Variants in PHF21A observed in about 807,000 individuals in gnomAD.
PHF21A encodes BHC80a.
PHF21A carries 11 observed loss-of-function variants against 82.5 expected under a neutral mutation model. The observed-to-expected ratio is 0.13, with a 90% CI of 0.08 to 0.22. The LOEUF (loss-of-function observed/expected upper bound fraction) is 0.22, where lower values mean the gene tolerates loss of function less well. Ranked by LOEUF, PHF21A falls within the 10% of genes least tolerant of loss-of-function variation. The pLI is 1.00. For missense variants in PHF21A, 579 were observed against 837.8 expected, an observed-to-expected ratio of 0.69 and a Z score of 3.81; for synonymous variants, 297 against 302.8, an observed-to-expected ratio of 0.98 and a Z score of 0.20.
At chr11:45,965,284 T>A in intron 10 of PHF21A, 31 bp downstream of exon 10, 1 of 1,603,134 alleles carries the variant, frequency 6.2e-7, no homozygotes, top group Non-Finnish European at 8.5e-7. Context: ...ACAAGGCTAC[T>A]GCCCAGAGCA....
At chr11:45,951,785 A>T (rs2092146253) in intron 11 of PHF21A, among the ~76,000 whole-genome samples, 1 of 150,870 alleles carries the variant, frequency 6.6e-6, no homozygotes, top group African/African-American at 2.4e-5. Context: ...AGTGAAAAAA[A>T]ATGTCCTCTC....
intron 6 of PHF21A, among the ~76,000 whole-genome samples, chr11:46,033,340 C>A (rs968077333): frequency 4.6e-5 from 7 of 152,176 alleles, no homozygotes; most frequent in Admixed American, 3.9e-4. Context: ...TCATGGCTCA[C>A]TGCAGCCTCT....
In PHF21A at chr11:45,955,574, A is replaced by G. The variant is rs542622024; in HGVS notation, c.997-1949T>C. ...AAAGCAATTAGCAGCAGTGCTTTTA[A>G]GGAAGGGCAAATCAATTCCTTTCCA... On this transcript the variant is annotated intron_variant, in intron 10 of 18. Coordinates refer to ENST00000676320, the MANE Select transcript of PHF21A (RefSeq NM_001352027.3). Among the ~76,000 whole-genome samples the G allele has an allele frequency of 1.3e-4, 20 of 152,314 alleles. No individual in the cohort carries two copies. The South Asian group carries it at 3.9e-3, about 30-fold the overall frequency.
chr11:46,093,685 C>T (rs1199502892), intron 1 of PHF21A, among the ~76,000 whole-genome samples: 1 of 152,088 alleles, frequency 6.6e-6, no homozygotes, highest in Admixed American at 6.5e-5. Flanking sequence ...TCAAACAGTA[C>T]CAGGCACATA....
At position 45,938,217 on chromosome 11, in the gene PHF21A, T is replaced by C. The variant is rs1426800688; in HGVS notation, c.1548A>G (p.Leu516=). The C allele has an allele frequency of 1.9e-6, 3 of 1,609,488 alleles. No homozygotes were observed. Among genetic ancestry groups the C allele is most frequent in the Non-Finnish European group, 2.5e-6 (3 of 1,178,142 alleles). The part of the protein sequence containing the change: ...TCSRVYHLDC[L]DPPLKTIPKG... ...TGGGAATTGTTTTCAGAGGGGGGTC[T>C]AAGCAGTCCAAATGATATACACGGG... is the stretch of plus-strand genomic sequence containing the variant. The change falls in exon 16 of 19, where the codon TTA becomes TTG. Residue 516 remains leucine (L), a synonymous_variant. Transcript: ENST00000676320.
chr11:45,940,349 C>A (rs2090109904), intron 15 of PHF21A, among the ~76,000 whole-genome samples: 1 of 152,084 alleles, frequency 6.6e-6, no homozygotes. Flanking sequence ...GCGCCCACCA[C>A]CACGCCTGAC....
At chr11:46,115,051 T>C (rs566944636) in intron 1 of PHF21A, among the ~76,000 whole-genome samples, 1 of 152,348 alleles carries the variant, frequency 6.6e-6, no homozygotes, top group African/African-American at 2.4e-5. Context: ...TTTCTGTAAC[T>C]GATTCCAAAG....
chr11:45,980,282 C>T (rs1225071426), intron 6 of PHF21A, among the ~76,000 whole-genome samples: 1 of 152,200 alleles, frequency 6.6e-6, no homozygotes, highest in Non-Finnish European at 1.5e-5. Flanking sequence ...TACAACGTAG[C>T]AGTAAAAAGC....
intron 6 of PHF21A, among the ~76,000 whole-genome samples, chr11:46,038,140 A>T (rs1310110520): frequency 6.0e-5 from 9 of 148,866 alleles, no homozygotes; most frequent in African/African-American, 2.0e-4. Flanking sequence ...TTTTTTTTTT[A>T]AATGGAGTTT....
intron 6 of PHF21A, among the ~76,000 whole-genome samples, chr11:46,006,795 T>C (rs2095306272): frequency 6.6e-6 from 1 of 152,226 alleles, no homozygotes; most frequent in African/African-American, 2.4e-5. Flanking sequence ...ACAAAAATAT[T>C]TTAAGACCAA....
At chr11:46,060,663 G>C (rs1384357949) in intron 6 of PHF21A, among the ~76,000 whole-genome samples, 2 of 152,122 alleles carry the variant, frequency 1.3e-5, no homozygotes, top group Admixed American at 6.6e-5. Flanking sequence ...ACTTTGTAAT[G>C]GGACTGTTTT....
chr11:46,018,247 C>G (rs2095557383), intron 6 of PHF21A, among the ~76,000 whole-genome samples: 1 of 130,360 alleles, frequency 7.7e-6, no homozygotes, highest in Non-Finnish European at 1.6e-5. Flanking sequence ...GAGACTCCGT[C>G]TCAAAAAAAA....
chr11:45,950,897 C>T (rs563676498), intron 11 of PHF21A, among the ~76,000 whole-genome samples: 1 of 152,344 alleles, frequency 6.6e-6, no homozygotes, highest in East Asian at 1.9e-4. Context: ...TGCTAACTCA[C>T]AGCTAAATGA....
chr11:46,021,567 C>T (rs2095632615), intron 6 of PHF21A, among the ~76,000 whole-genome samples: 1 of 151,222 alleles, frequency 6.6e-6, no homozygotes, highest in Admixed American at 6.6e-5. Flanking sequence ...TGTTCAGAGA[C>T]AGGGTCTCAC....
intron 6 of PHF21A, among the ~76,000 whole-genome samples, chr11:46,021,538 G>A (rs1742304688): frequency 1.3e-5 from 2 of 151,908 alleles, no homozygotes; most frequent in African/African-American, 4.8e-5. Flanking sequence ...GCGTGCATGT[G>A]TGTGTGCATG....
intron 6 of PHF21A, among the ~76,000 whole-genome samples, chr11:46,039,279 G>A (rs563118412): frequency 7.9e-5 from 12 of 152,216 alleles, no homozygotes; most frequent in Non-Finnish European, 1.6e-4. Context: ...AATTTGTTTC[G>A]ATTACTCAGC....
At chr11:46,040,241 A>G (rs1202716565) in intron 6 of PHF21A, among the ~76,000 whole-genome samples, 1 of 152,228 alleles carries the variant, frequency 6.6e-6, no homozygotes, top group East Asian at 1.9e-4. Context: ...TTCATTAAAC[A>G]TAATGGTCTC....
At chr11:46,047,502 TTTAG>T (rs1255902574) in intron 6 of PHF21A, among the ~76,000 whole-genome samples, 2 of 152,110 alleles carry the variant, frequency 1.3e-5, no homozygotes, top group African/African-American at 4.8e-5. Flanking sequence ...GTAAATGACT[TTTAG>T]TTAGGAAGCA....
chr11:46,015,604 TA>T (rs912078287), intron 6 of PHF21A, among the ~76,000 whole-genome samples: 1 of 152,206 alleles, frequency 6.6e-6, no homozygotes, highest in Non-Finnish European at 1.5e-5. Flanking sequence ...TACAGTTGTA[TA>T]AAAATACTTT....
Sources: allele counts gnomAD v4.1 joint callset (sites outside exome capture counted in the v4.1 genomes callset), GRCh38; gene constraint gnomAD v4.1.1; transcripts MANE v1.5; gene names NCBI Gene and HGNC (gene_info 2026-07-23, HGNC 2026-07-21).